Variants in SSBP4 observed in about 807,000 individuals in gnomAD.
SSBP4 encodes single stranded DNA binding protein 4.
Under a neutral mutation model 64.6 loss-of-function variants are expected in SSBP4, and 33 were observed. The ratio of observed to expected loss-of-function variants is 0.51; its 90% CI spans 0.39 to 0.68. The LOEUF (loss-of-function observed/expected upper bound fraction) is 0.68, where lower values mean the gene tolerates loss of function less well. SSBP4 is among the 30% of genes least tolerant of loss of function. The pLI, the probability that SSBP4 is intolerant of heterozygous loss-of-function variation, is 0.00. For missense variants in SSBP4, 583 were observed against 566.8 expected, an observed-to-expected ratio of 1.03 and a Z score of -0.29; for synonymous variants, 243 against 224.0, an observed-to-expected ratio of 1.08 and a Z score of -0.76.
At chr19:18,406,335 TATTATTATTATC>T in the SSBP4 span, among the ~76,000 whole-genome samples, 1 of 150,254 alleles carries the variant, frequency 6.7e-6, no homozygotes, top group African/African-American at 2.4e-5. Flanking sequence ...TTATTACTAT[TATTATTATTATC>T]ATTATTATTA....
the SSBP4 span, among the ~76,000 whole-genome samples, chr19:18,409,152 T>C: frequency 3.3e-5 from 5 of 150,984 alleles, no homozygotes; most frequent in African/African-American, 4.9e-5. Flanking sequence ...ACAGTAATAG[T>C]GCTGTGGTGC....
chr19:18,415,376 C>A (rs889532723), upstream of SSBP4, among the ~76,000 whole-genome samples: 6 of 152,104 alleles, frequency 3.9e-5, no homozygotes, highest in Admixed American at 3.3e-4. Context: ...GCAGGAAAAC[C>A]CAACCCGGCC....
intron 4 of SSBP4, among the ~76,000 whole-genome samples, chr19:18,429,887 G>T (rs1251949146): frequency 6.6e-6 from 1 of 152,152 alleles, no homozygotes; most frequent in Non-Finnish European, 1.5e-5. Context: ...GGGTCAACCC[G>T]CAGCCCCACA....
At chr19:18,407,706 C>T in the SSBP4 span, among the ~76,000 whole-genome samples, 1 of 152,152 alleles carries the variant, frequency 6.6e-6, no homozygotes, top group Admixed American at 6.6e-5. Context: ...GCTGGGATTA[C>T]AGGTGTGAGC....
the SSBP4 span, among the ~76,000 whole-genome samples, chr19:18,413,132 G>A: frequency 6.9e-6 from 1 of 144,712 alleles, no homozygotes; most frequent in East Asian, 2.1e-4. Context: ...AGGAGCGTGG[G>A]GTGTTTTGGT....
chr19:18,417,046 C>T (rs369850662), upstream of SSBP4, among the ~76,000 whole-genome samples: 24 of 152,130 alleles, frequency 1.6e-4, no homozygotes, highest in African/African-American at 5.8e-4. The surrounding 1 kb of genome is among the most constrained non-coding windows in gnomAD (Gnocchi z 5.4). Context: ...CTCTGGGCCG[C>T]CGGCGCCTCA....
In SSBP4 at chr19:18,430,876, TATGGCCCCAGGTGACACA is replaced by T. The variant is rs1568353182; in HGVS notation, c.322_339del (p.Pro108_Ala113del). ...CCGCCCCCAGCCCCGTTATGGGGAGTATGGCCCCAGGTGACACAATGGCCGCAGGCTCCATGGCGGCTG... is the reference window on the plus strand; with the variant it reads ...CCGCCCCCAGCCCCGTTATGGGGAGTATGGCCGCAGGCTCCATGGCGGCTG... On this transcript the variant is annotated inframe_deletion, in exon 5 of 18. Transcript: ENST00000270061. 1 of 1,612,958 alleles carries T rather than the reference TATGGCCCCAGGTGACACA, an allele frequency of 6.2e-7. No homozygotes were observed. Among genetic ancestry groups the T allele is most frequent in the Admixed American group, 1.7e-5 (1 of 59,976 alleles).
In SSBP4 at chr19:18,430,914, C is replaced by A; in HGVS notation, c.353C>A (p.Ala118Glu). ...PGDTMAAGSM[A>E]AGFFQGPPGS... ...GACACAATGGCCGCAGGCTCCATGGCGGCTGGCTTCTTCCAGGTATGGCCC... is the reference window on the plus strand; with the variant it reads ...GACACAATGGCCGCAGGCTCCATGGAGGCTGGCTTCTTCCAGGTATGGCCC... Residue 118 changes from alanine to glutamate, a missense_variant, in exon 5 of 18, where the codon GCG (alanine) becomes GAG (glutamate). Coordinates refer to ENST00000270061, the MANE Select transcript of SSBP4 (RefSeq NM_032627.5). The A allele has an allele frequency of 6.2e-7, 1 of 1,612,652 alleles. No individual in the cohort carries two copies. Among genetic ancestry groups the A allele is most frequent in the South Asian group, 1.1e-5 (1 of 91,060 alleles).
chr19:18,434,051 A>C (rs914727939), intron 17 of SSBP4, 166 bp from the exon 18 acceptor site: 7 of 977,656 alleles, frequency 7.2e-6, no homozygotes, highest in Non-Finnish European at 8.3e-6. Flanking sequence ...CCCGCGCCCC[A>C]GGGCGGCCTT....
chr19:18,404,032 G>C, the SSBP4 span, among the ~76,000 whole-genome samples: 1 of 151,846 alleles, frequency 6.6e-6, no homozygotes, highest in Non-Finnish European at 1.5e-5. Context: ...CCCAGACAGA[G>C]AGACACCAGC....
At chr19:18,408,536 A>G in the SSBP4 span, among the ~76,000 whole-genome samples, 1 of 150,290 alleles carries the variant, frequency 6.7e-6, no homozygotes, top group Non-Finnish European at 1.5e-5. Flanking sequence ...TCTATCTCCC[A>G]GGCTGGTGTG....
intron 16 of SSBP4, 42 bp from the exon 17 acceptor site, chr19:18,433,668 G>A: frequency 2.2e-6 from 3 of 1,341,586 alleles, no homozygotes; most frequent in Non-Finnish European, 2.9e-6. Flanking sequence ...GGCGGGGAGG[G>A]GGCGGGGCGG....
At chr19:18,428,923 G>C (rs1973077971) in intron 4 of SSBP4, among the ~76,000 whole-genome samples, 1 of 152,198 alleles carries the variant, frequency 6.6e-6, no homozygotes, top group South Asian at 2.1e-4. Context: ...TGTGGACTTG[G>C]GCGACTCTGC....
rs1045464638 is a variant in SSBP4, at chr19:18,434,093, G to A, written c.1129-124G>A. On this transcript the variant is annotated intron_variant, in intron 17 of 17. Transcript: ENST00000270061. ...CATCGCCCCTCCCCCGTTCCCTCCT[G>A]TCCCCACCCCATGTCTGCCCAGGAC... 4 of 1,381,064 alleles carry A rather than the reference G, an allele frequency of 2.9e-6. No homozygotes were observed. In the African/African-American group the frequency reaches 4.6e-5, roughly 16 times the overall value. 85.6% of individuals were successfully genotyped at this position (1,381,064 alleles called of 1,614,324 possible). A position where few individuals can be genotyped will look rare whatever the true frequency, so the allele number is the denominator to read the frequency against.
At chr19:18,406,234 C>A in the SSBP4 span, among the ~76,000 whole-genome samples, 3 of 151,516 alleles carry the variant, frequency 2.0e-5, no homozygotes, top group Admixed American at 2.0e-4. Context: ...CTCACTGCAA[C>A]CTTCCCTTCT....
At chr19:18,425,701 G>A (rs967511232) in intron 1 of SSBP4, among the ~76,000 whole-genome samples, 2 of 152,156 alleles carry the variant, frequency 1.3e-5, no homozygotes, top group African/African-American at 4.8e-5. Context: ...CTCTTCAAGA[G>A]TGCTGTGATG....
At chr19:18,414,596 A>G (rs1972116967), upstream of SSBP4, among the ~76,000 whole-genome samples, 1 of 152,192 alleles carries the variant, frequency 6.6e-6, no homozygotes, top group South Asian at 2.1e-4. Context: ...CTGGAGTTCA[A>G]GTGCAGGGCA....
In SSBP4 at chr19:18,431,429, GT is replaced by G; in HGVS notation, c.435+12del. On this transcript the variant is annotated intron_variant, in intron 6 of 17. Transcript: ENST00000270061. ...GGGCCTCACGGTCAGGTAAGGAGCT[GT>G]GGTGCCTGCCCCTCACACACACACA... The G allele has an allele frequency of 6.6e-7, 1 of 1,505,026 alleles. No homozygotes were observed. 93.2% of individuals were successfully genotyped at this position (1,505,026 alleles called of 1,614,324 possible). A position where few individuals can be genotyped will look rare whatever the true frequency, so the allele number is the denominator to read the frequency against.
upstream of SSBP4, chr19:18,419,254 C>A (rs546618712): frequency 1.7e-5 from 17 of 991,316 alleles, no homozygotes; most frequent in Middle Eastern, 5.1e-4. Flanking sequence ...GCCGCGCCCC[C>A]ACCCCCCGCG....
Sources: gnomAD v4.1 joint callset for allele counts (sites outside exome capture counted in the v4.1 genomes callset) on GRCh38, gnomAD v4.1.1 for gene constraint, Gnocchi (gnomAD v3.1) non-coding constraint, MANE v1.5 for transcripts, NCBI Gene and HGNC (gene_info 2026-07-23, HGNC 2026-07-21) for gene names.